SMYD3: variants seen among roughly 807,000 people sequenced by gnomAD.
The protein encoded by SMYD3 is histone-lysine N-methyltransferase SMYD3.
SMYD3 carries 36 observed loss-of-function variants against 57.7 expected under a neutral mutation model. That is an observed-to-expected ratio of 0.62 (90% confidence interval 0.48 to 0.82). The LOEUF (loss-of-function observed/expected upper bound fraction) is 0.82, where lower values mean the gene tolerates loss of function less well. SMYD3 is among the 40% of genes least tolerant of loss of function. The probability of loss-of-function intolerance (pLI) is 0.00; values close to 1 mark genes in which losing one functional copy is unlikely to be tolerated. For missense variants in SMYD3, 515 were observed against 538.8 expected, an observed-to-expected ratio of 0.96 and a Z score of 0.44; for synonymous variants, 211 against 195.0, an observed-to-expected ratio of 1.08 and a Z score of -0.68.
intron 5 of SMYD3, among the ~76,000 whole-genome samples, chr1:246,197,304 G>A (rs1013299669): frequency 1.3e-5 from 2 of 152,114 alleles, no homozygotes; most frequent in African/African-American, 4.8e-5. Context: ...AGGACAGTGT[G>A]GAAGGGAAAA....
intron 1 of SMYD3, among the ~76,000 whole-genome samples, chr1:246,467,013 C>CA (rs58305854): frequency 0.13 from 19,093 of 151,376 alleles, 3,145 homozygotes; most frequent in African/African-American, 0.38. Flanking sequence ...ACTAAAAAGA[C>CA]AAAAAAATTA....
At position 246,430,678 on chromosome 1, in the gene SMYD3, A is replaced by G. The variant is rs141488865; in HGVS notation, c.165-75584T>C. Among the ~76,000 whole-genome samples, 487 of 152,304 alleles carry G rather than the reference A, an allele frequency of 3.2e-3. 3 individuals are homozygous for G. Among genetic ancestry groups the G allele is most frequent in the Middle Eastern group, 0.01 (3 of 294 alleles). On this transcript the variant is annotated intron_variant, in intron 1 of 11. Transcript: ENST00000490107. ...GAAGCCACCCAGATATAAGTATGGA[A>G]TCCACAGAAAGATCTAAGCTAAGAG...
intron 5 of SMYD3, among the ~76,000 whole-genome samples, chr1:245,956,864 T>A (rs529676458): frequency 6.6e-6 from 1 of 152,384 alleles, no homozygotes; most frequent in Admixed American, 6.5e-5. Flanking sequence ...GAACATTGCA[T>A]ACCCATCTTA....
At chr1:246,098,815 T>C (rs888747946) in intron 5 of SMYD3, among the ~76,000 whole-genome samples, 25 of 110,276 alleles carry the variant, frequency 2.3e-4, no homozygotes, top group Admixed American at 9.6e-4. Flanking sequence ...TATATGTACA[T>C]GTATATACAC....
chr1:246,331,096 C>G (rs2065453179), intron 3 of SMYD3, among the ~76,000 whole-genome samples: 1 of 152,068 alleles, frequency 6.6e-6, no homozygotes, highest in African/African-American at 2.4e-5. Flanking sequence ...GATTGTGCTA[C>G]TATACTCCAG....
intron 5 of SMYD3, chr1:246,322,234 C>T (rs140664238): frequency 0.14 from 21,248 of 152,182 alleles, 1,828 homozygotes; most frequent in East Asian, 0.3. Context: ...GGTGTGGTGG[C>T]GCATGCCTGT....
chr1:245,999,249 G>A (rs1174670202), intron 5 of SMYD3, among the ~76,000 whole-genome samples: 1 of 151,774 alleles, frequency 6.6e-6, no homozygotes, highest in Non-Finnish European at 1.5e-5. Context: ...AAGAGCTTAA[G>A]AAATAAAAGG....
intron 1 of SMYD3, among the ~76,000 whole-genome samples, chr1:246,454,171 G>C (rs1240663893): frequency 2.0e-5 from 3 of 152,158 alleles, no homozygotes; most frequent in Non-Finnish European, 4.4e-5. Context: ...TAGTTTAATG[G>C]GATAGGTGTG....
intron 1 of SMYD3, among the ~76,000 whole-genome samples, chr1:246,357,499 C>T (rs931550301): frequency 1.3e-5 from 2 of 152,160 alleles, no homozygotes; most frequent in Non-Finnish European, 2.9e-5. Flanking sequence ...CAGCAGGCCT[C>T]GGGGCTGCTC....
At chr1:246,438,938 C>T (rs10924730) in intron 1 of SMYD3, among the ~76,000 whole-genome samples, 15,182 of 151,432 alleles carry the variant, frequency 0.1, 990 homozygotes, top group Middle Eastern at 0.14. Flanking sequence ...CAATAATGCT[C>T]GTTCACCCGC....
At chr1:246,061,007 C>G (rs1237777899) in intron 5 of SMYD3, among the ~76,000 whole-genome samples, 1 of 152,150 alleles carries the variant, frequency 6.6e-6, no homozygotes, top group Non-Finnish European at 1.5e-5. Flanking sequence ...GCGGGCGGAT[C>G]ATGAGGTCAG....
chr1:245,922,902 G>A (rs73126396), intron 7 of SMYD3, among the ~76,000 whole-genome samples: 4,416 of 152,222 alleles, frequency 0.029, 208 homozygotes, highest in African/African-American at 0.1. Flanking sequence ...AGATTCCAAA[G>A]ATGGTACAGA....
At chr1:246,186,866 T>TA in intron 5 of SMYD3, 1 of 985,470 alleles carries the variant, frequency 1.0e-6, no homozygotes, top group Non-Finnish European at 1.2e-6. Context: ...CAGGCACAGT[T>TA]ACCTCGCAGG....
chr1:246,348,958 A>C (rs1439649930), intron 2 of SMYD3, among the ~76,000 whole-genome samples: 1 of 152,160 alleles, frequency 6.6e-6, no homozygotes, highest in Non-Finnish European at 1.5e-5. Flanking sequence ...GAGAGAAAAA[A>C]AAATTACTAA....
chr1:246,506,978 G>GCCCCCCCCACCCCCCCCCCCC, intron 1 of SMYD3, 76 bp downstream of exon 1: 1 of 1,174,516 alleles, frequency 8.5e-7, no homozygotes, highest in Non-Finnish European at 1.1e-6. Flanking sequence ...CGCGGCTGCC[G>GCCCCCCCCACCCCCCCCCCCC]GCCGCCCGAC....
chr1:246,326,270 C>T (rs1329734502), intron 5 of SMYD3: 5 of 546,080 alleles, frequency 9.2e-6, no homozygotes, highest in African/African-American at 2.0e-5. Context: ...TTGTGATCAA[C>T]ATTAAAACAA....
At chr1:245,829,180 T>C (rs1396107030) in intron 10 of SMYD3, among the ~76,000 whole-genome samples, 1 of 151,734 alleles carries the variant, frequency 6.6e-6, no homozygotes, top group African/African-American at 2.4e-5. Flanking sequence ...AGTTCACTTA[T>C]ATGGTTTCAG....
intron 5 of SMYD3, among the ~76,000 whole-genome samples, chr1:245,974,477 C>T (rs566078024): frequency 6.3e-4 from 95 of 151,434 alleles, no homozygotes; most frequent in Admixed American, 7.2e-4. Flanking sequence ...AAGCCATCGT[C>T]TCCGGCCCAG....
At chr1:245,884,072 G>T (rs1232444818) in intron 8 of SMYD3, among the ~76,000 whole-genome samples, 1 of 152,158 alleles carries the variant, frequency 6.6e-6, no homozygotes, top group African/African-American at 2.4e-5. Flanking sequence ...TAGCAATGCA[G>T]AGATCAGACA....
Sources: gnomAD v4.1 joint callset for allele counts (sites outside exome capture counted in the v4.1 genomes callset) on GRCh38, gnomAD v4.1.1 for gene constraint, MANE v1.5 for transcripts, NCBI Gene and HGNC (gene_info 2026-07-23, HGNC 2026-07-21) for gene names.